FBXL7: variants seen among roughly 807,000 people sequenced by gnomAD.
The protein encoded by FBXL7 is F-box/LRR-repeat protein 7.
FBXL7 carries 12 observed loss-of-function variants against 38.3 expected under a neutral mutation model. The observed-to-expected ratio is 0.31, with a 90% CI of 0.20 to 0.51. The LOEUF (loss-of-function observed/expected upper bound fraction) is 0.51, where lower values mean the gene tolerates loss of function less well. Among genes scored for constraint, FBXL7 ranks in the 20% least tolerant of loss-of-function variants. The probability of loss-of-function intolerance (pLI) is 0.98; values close to 1 mark genes in which losing one functional copy is unlikely to be tolerated. For missense variants in FBXL7, 567 were observed against 676.4 expected, an observed-to-expected ratio of 0.84 and a Z score of 1.79; for synonymous variants, 297 against 300.9, an observed-to-expected ratio of 0.99 and a Z score of 0.13.
chr5:15,706,954 A>C (rs1384129873), intron 2 of FBXL7, among the ~76,000 whole-genome samples: 1 of 152,076 alleles, frequency 6.6e-6, no homozygotes, highest in Non-Finnish European at 1.5e-5. Context: ...AAAAGGGCCT[A>C]ACTAATGATA....
intron 2 of FBXL7, among the ~76,000 whole-genome samples, chr5:15,728,708 C>T (rs1735489862): frequency 6.6e-6 from 1 of 152,106 alleles, no homozygotes; most frequent in Admixed American, 6.6e-5. Context: ...GCTTCTACTT[C>T]TGTATATTTT....
chr5:15,570,716 G>T (rs891333828), intron 1 of FBXL7, among the ~76,000 whole-genome samples: 1 of 152,172 alleles, frequency 6.6e-6, no homozygotes, highest in African/African-American at 2.4e-5. Context: ...TCCACACACG[G>T]CTCGGCCTGG....
rs115751291 is a variant in FBXL7 at position 15,633,122 on chromosome 5, T to C, written c.127+17050T>C. Among the ~76,000 whole-genome samples the C allele has an allele frequency of 4.1e-3, 619 of 152,310 alleles. 5 individuals are homozygous for C. Among genetic ancestry groups the C allele is most frequent in the African/African-American group, 0.014 (596 of 41,574 alleles). ...GTGATCCCAATTGTGCATAGGACTA[T>C]ATTTGAAGAGGAAAAAGATGAGAAG... On this transcript the variant is annotated intron_variant, in intron 2 of 3. Transcript: ENST00000504595.
chr5:15,508,790 A>G (rs1736715765), intron 1 of FBXL7, among the ~76,000 whole-genome samples: 1 of 152,168 alleles, frequency 6.6e-6, no homozygotes, highest in South Asian at 2.1e-4. Flanking sequence ...ATGTGAGTGT[A>G]TTATACATAC....
chr5:15,829,021 G>A (rs752823979), intron 2 of FBXL7, among the ~76,000 whole-genome samples: 2 of 152,160 alleles, frequency 1.3e-5, no homozygotes, highest in Non-Finnish European at 1.5e-5. Flanking sequence ...TGTTAGTAAC[G>A]CACCCTTAAT....
intron 2 of FBXL7, among the ~76,000 whole-genome samples, chr5:15,791,192 A>T (rs1242785436): frequency 6.6e-6 from 1 of 152,136 alleles, no homozygotes; most frequent in African/African-American, 2.4e-5. Flanking sequence ...ACCTGAGCAC[A>T]GTGTCAAGCT....
rs116234059 is a variant in FBXL7, at chr5:15,642,246, G to A, written c.127+26174G>A. Among the ~76,000 whole-genome samples, 1,197 of 152,120 alleles carry A rather than the reference G, an allele frequency of 7.9e-3. 9 individuals carry two copies. The highest frequency in any genetic ancestry group is 0.01 in the Non-Finnish European group (710 of 68,002). ...TTAAGTGTGGAAAAATTAACAAAAG[G>A]ATAACTTCTTATGTATTTTTCCAAT... is the stretch of plus-strand genomic sequence containing the variant. On this transcript the variant is annotated intron_variant, in intron 2 of 3. Transcript: ENST00000504595.
Position 15,663,197 on chromosome 5 carries a change from C to G in FBXL7, c.127+47125C>G, listed in dbSNP as rs1742149772. 2.0e-5 allele frequency among the ~76,000 whole-genome samples: 3 copies of G among 152,146 alleles called. No homozygotes were observed. In the South Asian group the frequency reaches 6.2e-4, roughly 31 times the overall value. On this transcript the variant is annotated intron_variant, in intron 2 of 3. Coordinates refer to ENST00000504595, the MANE Select transcript of FBXL7 (RefSeq NM_012304.5). ...TCTTTGAGCAGTGTTTTGTAATTCT[C>G]ATTGTAGAGATCTTTCGCCTCTCTG...
chr5:15,547,729 A>T (rs1162083496), intron 1 of FBXL7, among the ~76,000 whole-genome samples: 1 of 152,220 alleles, frequency 6.6e-6, no homozygotes, highest in Non-Finnish European at 1.5e-5. Context: ...TCCTGTTTCC[A>T]GAGGGAGACC....
At position 15,736,580 on chromosome 5, in the gene FBXL7, A is replaced by G. The variant is rs1735755621; in HGVS notation, c.127+120508A>G. ...ACAAATTATTTCTAAGTGCAAAAGT[A>G]TTAAAGCACTGGGCTTGTTGTTGCT... On this transcript the variant is annotated intron_variant, in intron 2 of 3. Transcript: ENST00000504595. Among the ~76,000 whole-genome samples, 4 of 152,350 alleles carry G rather than the reference A, an allele frequency of 2.6e-5. No individual in the cohort carries two copies. The South Asian group carries it at 8.3e-4, about 32-fold the overall frequency.
At chr5:15,593,168 G>C (rs527870316) in intron 1 of FBXL7, among the ~76,000 whole-genome samples, 1 of 152,146 alleles carries the variant, frequency 6.6e-6, no homozygotes, top group South Asian at 2.1e-4. Context: ...TGTTCCCTGC[G>C]TGCCCCTTCC....
chr5:15,657,935 A>G (rs1166248241), intron 2 of FBXL7, among the ~76,000 whole-genome samples: 1 of 152,136 alleles, frequency 6.6e-6, no homozygotes, highest in Non-Finnish European at 1.5e-5. Flanking sequence ...TCTCCACTTT[A>G]TAAATTCTGC....
chr5:15,544,895 A>G (rs1223530300), intron 1 of FBXL7, among the ~76,000 whole-genome samples: 4 of 152,208 alleles, frequency 2.6e-5, no homozygotes, highest in African/African-American at 9.7e-5. Context: ...AGTTTTGGAT[A>G]AGCAGATTAT....
At chr5:15,864,559 AT>A (rs1739623834) in intron 2 of FBXL7, among the ~76,000 whole-genome samples, 1 of 152,108 alleles carries the variant, frequency 6.6e-6, no homozygotes, top group African/African-American at 2.4e-5. Flanking sequence ...ACGGATGGGT[AT>A]TGAGGACTGC....
chr5:15,861,706 C>A (rs1050645208), intron 2 of FBXL7, among the ~76,000 whole-genome samples: 1 of 152,156 alleles, frequency 6.6e-6, no homozygotes, highest in Non-Finnish European at 1.5e-5. Context: ...TTAACATAAC[C>A]AGCCCTGCTG....
rs1579388089 is a variant in FBXL7 at position 15,699,184 on chromosome 5, G to C, written c.127+83112G>C. On this transcript the variant is annotated intron_variant, in intron 2 of 3. Coordinates refer to ENST00000504595, the MANE Select transcript of FBXL7 (RefSeq NM_012304.5). Reference sequence around the variant, plus strand: ...TTGTTTCCTGTTGTGTTATAATTGGGGGGTATGTTCATTTTCTGGGGGCTA... The same window carrying C: ...TTGTTTCCTGTTGTGTTATAATTGGCGGGTATGTTCATTTTCTGGGGGCTA... Among the ~76,000 whole-genome samples, 3 of 152,022 alleles carry C rather than the reference G, an allele frequency of 2.0e-5. No homozygotes were observed. In the South Asian group the frequency reaches 6.2e-4, roughly 32 times the overall value.
intron 2 of FBXL7, among the ~76,000 whole-genome samples, chr5:15,724,442 TA>T (rs1429609184): frequency 6.6e-6 from 1 of 152,156 alleles, no homozygotes; most frequent in Non-Finnish European, 1.5e-5. Context: ...GCCACCACAA[TA>T]AGGATTCAAA....
rs73062156 is a variant in FBXL7 at position 15,858,901 on chromosome 5, T to C, written c.128-68989T>C. On this transcript the variant is annotated intron_variant, in intron 2 of 3. Coordinates refer to ENST00000504595, the MANE Select transcript of FBXL7 (RefSeq NM_012304.5). ...TGTTTTATGGCTATGAACTAGGATA[T>C]AATTAATACACAATATGGTCTGGAA... 5.1e-3 allele frequency among the ~76,000 whole-genome samples: 773 copies of C among 152,292 alleles called. 11 individuals carry two copies. The highest frequency in any genetic ancestry group is 0.018 in the African/African-American group (733 of 41,584).
At chr5:15,897,612 G>A (rs1741135856) in intron 2 of FBXL7, among the ~76,000 whole-genome samples, 3 of 152,102 alleles carry the variant, frequency 2.0e-5, no homozygotes. Flanking sequence ...GGATGAGAAG[G>A]AAGAGGGGAC....
Sources: allele counts gnomAD v4.1 joint callset (sites outside exome capture counted in the v4.1 genomes callset), GRCh38; gene constraint gnomAD v4.1.1; transcripts MANE v1.5; gene names NCBI Gene and HGNC (gene_info 2026-07-23, HGNC 2026-07-21).